DLG2: variants seen among roughly 807,000 people sequenced by gnomAD.
The protein encoded by DLG2 is discs large MAGUK scaffold protein 2, also known as disks large homolog 2.
Under a neutral mutation model 132.5 loss-of-function variants are expected in DLG2, and 45 were observed. The ratio of observed to expected loss-of-function variants is 0.34; its 90% CI spans 0.27 to 0.44. The LOEUF is 0.44. Ranked by LOEUF, DLG2 falls within the 20% of genes least tolerant of loss-of-function variation. DLG2 has a pLI of 1.00. For synonymous variants in DLG2, 424 were observed against 419.6 expected (o/e 1.01, Z -0.13); for missense variants, 1,045 against 1,196.9 (o/e 0.87, Z 1.87).
intron 10 of DLG2, among the ~76,000 whole-genome samples, chr11:84,076,681 C>T (rs1475655775): frequency 2.0e-5 from 3 of 152,166 alleles, no homozygotes; most frequent in Non-Finnish European, 1.5e-5. Context: ...TTCTTCACTG[C>T]CCCTTCCAGA....
intron 6 of DLG2, among the ~76,000 whole-genome samples, chr11:85,069,708 C>A (rs930405911): frequency 6.6e-6 from 1 of 152,080 alleles, no homozygotes; most frequent in Non-Finnish European, 1.5e-5. Context: ...GTTGGTGGGA[C>A]TGTAAACTAG....
chr11:84,833,379 G>A (rs2079286243), intron 6 of DLG2, among the ~76,000 whole-genome samples: 2 of 151,436 alleles, frequency 1.3e-5, no homozygotes, highest in Non-Finnish European at 3.0e-5. Context: ...GGAATAGAAT[G>A]GAATGAAAAC....
chr11:84,433,941 A>C (rs532350672), intron 7 of DLG2, among the ~76,000 whole-genome samples: 3 of 152,038 alleles, frequency 2.0e-5, no homozygotes, highest in Admixed American at 2.0e-4. Context: ...ACATGGGGAA[A>C]CCTCATCTCT....
At chr11:85,373,712 C>T (rs537808160) in intron 3 of DLG2, among the ~76,000 whole-genome samples, 120 of 152,256 alleles carry the variant, frequency 7.9e-4, no homozygotes, top group African/African-American at 2.7e-3. Context: ...CTGTTTTCCC[C>T]TTTTTTCCCT....
At chr11:84,738,693 G>A (rs538652134) in intron 6 of DLG2, among the ~76,000 whole-genome samples, 110 of 152,210 alleles carry the variant, frequency 7.2e-4, no homozygotes, top group Middle Eastern at 6.8e-3. Flanking sequence ...ATGTAAAATG[G>A]TCCAACCACT....
intron 6 of DLG2, among the ~76,000 whole-genome samples, chr11:84,947,096 G>A (rs1040880560): frequency 2.6e-5 from 4 of 152,200 alleles, no homozygotes; most frequent in Non-Finnish European, 2.9e-5. Flanking sequence ...CATTGCCAGG[G>A]GATGGGTGAG....
intron 6 of DLG2, among the ~76,000 whole-genome samples, chr11:84,584,048 T>C (rs2099523012): frequency 6.6e-6 from 1 of 152,202 alleles, no homozygotes; most frequent in Non-Finnish European, 1.5e-5. Context: ...CAATAATTTC[T>C]CTATGGTATA....
At chr11:85,181,720 C>T (rs532254475) in intron 4 of DLG2, among the ~76,000 whole-genome samples, 2 of 151,752 alleles carry the variant, frequency 1.3e-5, no homozygotes, top group Non-Finnish European at 2.9e-5. Context: ...CCACTTTCTA[C>T]ATGAAAGGAG....
chr11:85,387,537 G>A (rs2086446218), intron 3 of DLG2, among the ~76,000 whole-genome samples: 1 of 152,160 alleles, frequency 6.6e-6, no homozygotes, highest in Non-Finnish European at 1.5e-5. Flanking sequence ...TCCTAGCCAT[G>A]TCAGCTGACA....
At chr11:85,236,966 T>C (rs1431092130) in intron 4 of DLG2, among the ~76,000 whole-genome samples, 2 of 152,070 alleles carry the variant, frequency 1.3e-5, no homozygotes, top group Non-Finnish European at 2.9e-5. Context: ...CAGAAACTCA[T>C]GTTTTAACAA....
intron 8 of DLG2, among the ~76,000 whole-genome samples, chr11:84,207,170 A>G (rs1442139777): frequency 6.6e-5 from 10 of 151,850 alleles, no homozygotes; most frequent in Admixed American, 4.6e-4. Flanking sequence ...GGAAAAATAT[A>G]CCACGCTTAT....
At chr11:85,091,109 C>G (rs1223153267) in intron 6 of DLG2, among the ~76,000 whole-genome samples, 1 of 152,180 alleles carries the variant, frequency 6.6e-6, no homozygotes, top group East Asian at 1.9e-4. Flanking sequence ...ACCCAAACAC[C>G]TCCCATTTGG....
chr11:84,080,939 C>T (rs1332267719), intron 10 of DLG2, among the ~76,000 whole-genome samples: 2 of 151,074 alleles, frequency 1.3e-5, no homozygotes, highest in Non-Finnish European at 2.9e-5. Context: ...TTGCAGTGAG[C>T]CGAGATCGCA....
At chr11:84,704,899 T>TACACATATATATACATTATGTATATAC (rs2059624576) in intron 6 of DLG2, among the ~76,000 whole-genome samples, 1 of 148,930 alleles carries the variant, frequency 6.7e-6, no homozygotes, top group Non-Finnish European at 1.5e-5. Flanking sequence ...TATGTATATA[T>TACACATATATATACATTATGTATATAC]ACACATATAT....
chr11:84,087,315 A>G (rs2097002730), intron 10 of DLG2, among the ~76,000 whole-genome samples: 1 of 152,168 alleles, frequency 6.6e-6, no homozygotes, highest in Non-Finnish European at 1.5e-5. Context: ...GCCAACACTT[A>G]TACTGTCCAT....
intron 3 of DLG2, among the ~76,000 whole-genome samples, chr11:85,361,727 C>G (rs1272375264): frequency 6.6e-6 from 1 of 152,166 alleles, no homozygotes; most frequent in African/African-American, 2.4e-5. Flanking sequence ...AATTTGAAGT[C>G]AGTAATGTGA....
At chr11:85,426,187 C>G (rs7937460) in intron 3 of DLG2, among the ~76,000 whole-genome samples, 6,173 of 152,272 alleles carry the variant, frequency 0.041, 395 homozygotes, top group African/African-American at 0.14. Flanking sequence ...GGCCTGCCTA[C>G]CTCTGTAGAC....
chr11:84,246,336 C>T (rs970910148), intron 8 of DLG2, among the ~76,000 whole-genome samples: 24 of 152,196 alleles, frequency 1.6e-4, no homozygotes, highest in Non-Finnish European at 3.4e-4. Context: ...GGTATCTGTG[C>T]TGCAGATGTT....
chr11:85,067,424 T>A (rs546772901), intron 6 of DLG2, among the ~76,000 whole-genome samples: 2 of 152,050 alleles, frequency 1.3e-5, no homozygotes, highest in East Asian at 3.9e-4. Context: ...CTAGTTCTTT[T>A]AATTGTGATG....
Sources: allele counts gnomAD v4.1 joint callset (sites outside exome capture counted in the v4.1 genomes callset), GRCh38; gene constraint gnomAD v4.1.1; transcripts MANE v1.5; gene names NCBI Gene and HGNC (gene_info 2026-07-23, HGNC 2026-07-21).